The following HDAC9 variants were observed in gnomAD, a reference collection of about 807,000 sequenced individuals.
HDAC9 encodes histone deacetylase 9.
Under a neutral mutation model 139.4 loss-of-function variants are expected in HDAC9, and 41 were observed. That is an observed-to-expected ratio of 0.29 (90% CI 0.23 to 0.38). HDAC9 has a LOEUF of 0.38. Ranked by LOEUF, HDAC9 falls within the 10% of genes least tolerant of loss-of-function variation. The pLI, the probability that HDAC9 is intolerant of heterozygous loss-of-function variation, is 1.00. For missense variants in HDAC9, 1,147 were observed against 1,297.0 expected, an observed-to-expected ratio of 0.88 and a Z score of 1.78; for synonymous variants, 517 against 476.2, an observed-to-expected ratio of 1.09 and a Z score of -1.12.
At chr7:18,390,116 T>C (rs1786335139) in intron 1 of HDAC9, among the ~76,000 whole-genome samples, 1 of 138,944 alleles carries the variant, frequency 7.2e-6, no homozygotes, top group Non-Finnish European at 1.5e-5. Context: ...AGGGAAGTAA[T>C]GGGGGATGAG....
intron 2 of HDAC9, among the ~76,000 whole-genome samples, chr7:18,513,993 A>T (rs538884818): frequency 4.6e-5 from 7 of 152,308 alleles, no homozygotes; most frequent in African/African-American, 1.7e-4. Flanking sequence ...GCCATGTCTG[A>T]CTTTGGCTTA....
At chr7:18,278,880 A>C (rs555521818) in intron 2 of HDAC9, among the ~76,000 whole-genome samples, 1 of 152,194 alleles carries the variant, frequency 6.6e-6, no homozygotes, top group Non-Finnish European at 1.5e-5. Flanking sequence ...TCTATTGAAT[A>C]TTCTATTGAA....
intron 21 of HDAC9, among the ~76,000 whole-genome samples, chr7:18,843,887 T>A (rs1171694355): frequency 6.6e-6 from 1 of 152,150 alleles, no homozygotes; most frequent in Non-Finnish European, 1.5e-5. Flanking sequence ...CGTGGAGGAA[T>A]CATACTCGTG....
At chr7:18,555,436 G>A (rs2128682032) in intron 2 of HDAC9, among the ~76,000 whole-genome samples, 1 of 152,316 alleles carries the variant, frequency 6.6e-6, no homozygotes, top group Admixed American at 6.5e-5. Flanking sequence ...TGGGACAATT[G>A]TGGGGAATTG....
intron 2 of HDAC9, chr7:18,162,409 T>C: frequency 1.4e-6 from 2 of 1,446,154 alleles, no homozygotes; most frequent in African/African-American, 2.8e-5. Context: ...TTGCTTTGTG[T>C]TGTTTCAAAC....
At chr7:18,482,835 GT>G (rs1462444729) in intron 1 of HDAC9, among the ~76,000 whole-genome samples, 1 of 152,126 alleles carries the variant, frequency 6.6e-6, no homozygotes, top group Non-Finnish European at 1.5e-5. Context: ...TGCCCACTTT[GT>G]GTGAACACTG....
At chr7:18,763,972 G>T (rs968269904) in intron 15 of HDAC9, among the ~76,000 whole-genome samples, 2 of 152,000 alleles carry the variant, frequency 1.3e-5, no homozygotes, top group African/African-American at 4.8e-5. Context: ...TAAGAGAAAG[G>T]CATATTTATA....
intron 1 of HDAC9, among the ~76,000 whole-genome samples, chr7:18,396,107 C>CCCTTCCCTTG (rs1787018014): frequency 7.6e-6 from 1 of 131,826 alleles, no homozygotes; most frequent in Non-Finnish European, 1.6e-5. Context: ...CCCTTCCCTT[C>CCCTTCCCTTG]CCTTCCCTTC....
intron 1 of HDAC9, among the ~76,000 whole-genome samples, chr7:18,149,698 C>T (rs555208678): frequency 8.6e-5 from 13 of 151,014 alleles, no homozygotes; most frequent in Admixed American, 8.6e-4. Context: ...CTATAGGTGC[C>T]CACCACCACG....
intron 2 of HDAC9, among the ~76,000 whole-genome samples, chr7:18,515,385 T>G (rs967881553): frequency 5.9e-5 from 9 of 152,224 alleles, no homozygotes; most frequent in Admixed American, 4.6e-4. Flanking sequence ...ATGAAATTTT[T>G]TTTTAGCTAC....
chr7:18,712,548 G>A (rs965451552), intron 12 of HDAC9, among the ~76,000 whole-genome samples: 14 of 152,190 alleles, frequency 9.2e-5, no homozygotes, highest in Admixed American at 9.2e-4. Flanking sequence ...TAAGAATGAT[G>A]AGAACTGTTT....
At chr7:18,848,436 A>T (rs113369853) in intron 21 of HDAC9, among the ~76,000 whole-genome samples, 3,257 of 152,038 alleles carry the variant, frequency 0.021, 123 homozygotes, top group African/African-American at 0.074. Flanking sequence ...TGGAATCTTG[A>T]GGGTAGGTGC....
chr7:18,849,828 A>G (rs1797153421), intron 21 of HDAC9, among the ~76,000 whole-genome samples: 1 of 152,200 alleles, frequency 6.6e-6, no homozygotes, highest in Admixed American at 6.5e-5. Context: ...TGGTTAGAAA[A>G]GAACTTGGCT....
chr7:18,824,069 G>GAAGAAGAAGAAT (rs1795213158), intron 17 of HDAC9, among the ~76,000 whole-genome samples: 1 of 150,224 alleles, frequency 6.7e-6, no homozygotes, highest in Non-Finnish European at 1.5e-5. Context: ...AGAAGAAGAA[G>GAAGAAGAAGAAT]AAGAAGAAGA....
chr7:18,812,791 A>G (rs1386648946), intron 17 of HDAC9, among the ~76,000 whole-genome samples: 1 of 152,046 alleles, frequency 6.6e-6, no homozygotes, highest in South Asian at 2.1e-4. Context: ...TGTTTATTTC[A>G]TCACTTCGGT....
At chr7:18,652,202 A>G (rs933176098) in intron 11 of HDAC9, among the ~76,000 whole-genome samples, 1 of 152,248 alleles carries the variant, frequency 6.6e-6, no homozygotes, top group African/African-American at 2.4e-5. Flanking sequence ...CAAAAAATCA[A>G]GAGTTTCTTT....
chr7:18,912,641 T>C (rs1208579603), intron 22 of HDAC9, among the ~76,000 whole-genome samples: 1 of 152,072 alleles, frequency 6.6e-6, no homozygotes, highest in Non-Finnish European at 1.5e-5. Context: ...CATTCTACAG[T>C]GCACTGGACG....
At chr7:18,836,244 G>A (rs1012893762) in intron 21 of HDAC9, among the ~76,000 whole-genome samples, 5 of 152,096 alleles carry the variant, frequency 3.3e-5, no homozygotes, top group African/African-American at 1.2e-4. Flanking sequence ...TTATTAAATA[G>A]TTCTCTCTGG....
At chr7:18,367,329 C>A (rs1436017390) in intron 1 of HDAC9, among the ~76,000 whole-genome samples, 2 of 151,970 alleles carry the variant, frequency 1.3e-5, no homozygotes, top group Non-Finnish European at 2.9e-5. Flanking sequence ...GGCCTGGGGT[C>A]CCCTGTTCTT....
Sources: allele counts gnomAD v4.1 joint callset (sites outside exome capture counted in the v4.1 genomes callset), GRCh38; gene constraint gnomAD v4.1.1; transcripts MANE v1.5; gene names NCBI Gene and HGNC (gene_info 2026-07-23, HGNC 2026-07-21).